LRRC7: variants seen among roughly 807,000 people sequenced by gnomAD.
LRRC7 encodes leucine-rich repeat-containing protein 7.
LRRC7 carries 23 observed loss-of-function variants against 175.7 expected under a neutral mutation model. That is an observed-to-expected ratio of 0.13 (90% CI 0.09 to 0.19). LRRC7 has a LOEUF of 0.19. LRRC7 is among the 10% of genes least tolerant of loss of function. The pLI, the probability that LRRC7 is intolerant of heterozygous loss-of-function variation, is 1.00. For synonymous variants in LRRC7, 685 were observed against 680.9 expected (o/e 1.01, Z -0.09); for missense variants, 1,354 against 1,904.7 (o/e 0.71, Z 5.38).
chr1:69,684,155 AC>A (rs948966415), intron 2 of LRRC7, among the ~76,000 whole-genome samples: 1 of 152,220 alleles, frequency 6.6e-6, no homozygotes, highest in African/African-American at 2.4e-5. Context: ...ATACATACAG[AC>A]AGATATTTTA....
Position 70,038,317 on chromosome 1 carries a change from T to C in LRRC7, c.2493T>C (p.Pro831=), listed in dbSNP as rs1359378135. The change falls in exon 21 of 27, where the codon CCT becomes CCC. Residue 831 remains proline (P), a synonymous_variant. Transcript: ENST00000651989. ...ETTAENANSN[P]LLSSKSRSTS... The stretch of plus-strand genomic sequence containing the variant: ...CAGCCGAGAATGCCAACAGTAATCC[T>C]CTCTTAAGTTCGAAATCTAGAAGCA... 2 of 1,614,052 alleles carry C rather than the reference T, an allele frequency of 1.2e-6. No individual in the cohort carries two copies. Among genetic ancestry groups the C allele is most frequent in the Non-Finnish European group, 8.5e-7 (1 of 1,179,998 alleles).
intron 8 of LRRC7, among the ~76,000 whole-genome samples, chr1:69,972,472 T>C (rs1482970121): frequency 6.6e-6 from 1 of 152,068 alleles, no homozygotes; most frequent in Non-Finnish European, 1.5e-5. Flanking sequence ...GAATAGACAA[T>C]TCTAAAAAGA....
intron 1 of LRRC7, among the ~76,000 whole-genome samples, chr1:69,608,819 T>C (rs1648096770): frequency 1.5e-5 from 1 of 66,348 alleles, no homozygotes; most frequent in African/African-American, 6.5e-5. Context: ...TCTGTCTCTC[T>C]CTCTCTCTCT....
intron 1 of LRRC7, among the ~76,000 whole-genome samples, chr1:69,675,729 G>A (rs889861043): frequency 3.9e-5 from 6 of 152,064 alleles, no homozygotes; most frequent in South Asian, 2.1e-4. Flanking sequence ...AATTTAGTTC[G>A]CATAGCTAAT....
chr1:70,028,097 A>C, intron 17 of LRRC7, 74 bp from the exon 18 acceptor site: 1 of 1,272,006 alleles, frequency 7.9e-7, no homozygotes, highest in Middle Eastern at 2.6e-4. Context: ...ACTACTGAAT[A>C]TAAAATGGGA....
intron 1 of LRRC7, among the ~76,000 whole-genome samples, chr1:69,651,443 T>G (rs772192643): frequency 1.1e-4 from 17 of 152,208 alleles, no homozygotes; most frequent in Admixed American, 2.0e-4. Flanking sequence ...TCTTGCTGTA[T>G]CTACCAAAGT....
chr1:70,065,127 G>A (rs574335745), intron 23 of LRRC7, among the ~76,000 whole-genome samples: 5 of 151,902 alleles, frequency 3.3e-5, no homozygotes, highest in East Asian at 1.9e-4. Context: ...ATATTGACAC[G>A]TCCAGCAAAA....
At chr1:69,728,361 A>G (rs79217768) in intron 2 of LRRC7, among the ~76,000 whole-genome samples, 1,656 of 152,316 alleles carry the variant, frequency 0.011, 35 homozygotes, top group African/African-American at 0.039. Flanking sequence ...AGTCAGTCCC[A>G]TCTGTCAAAT....
chr1:69,729,684 G>A (rs777053541), intron 2 of LRRC7, among the ~76,000 whole-genome samples: 17 of 152,214 alleles, frequency 1.1e-4, no homozygotes, highest in South Asian at 2.1e-4. Context: ...GCTGGCATTC[G>A]GTGCCTGTGG....
chr1:69,973,783 G>A lies in LRRC7; in HGVS notation c.712-6596G>A, dbSNP rs368322215. On this transcript the variant is annotated intron_variant, in intron 8 of 26. Coordinates refer to ENST00000651989, the MANE Select transcript of LRRC7 (RefSeq NM_001370785.2). ...GTATTTTTAGTAGAGATGGGATTTCGCCATGTTGGCCAGGCTGGTCTCAAA... is the reference window on the plus strand; with the variant it reads ...GTATTTTTAGTAGAGATGGGATTTCACCATGTTGGCCAGGCTGGTCTCAAA... Among the ~76,000 whole-genome samples, 7 of 152,134 alleles carry A rather than the reference G, an allele frequency of 4.6e-5. No individual in the cohort carries two copies. The East Asian group carries it at 7.7e-4, about 17-fold the overall frequency.
At chr1:69,819,554 G>GCT (rs147116955) in intron 4 of LRRC7, among the ~76,000 whole-genome samples, 2,408 of 134,390 alleles carry the variant, frequency 0.018, 27 homozygotes, top group Middle Eastern at 0.093. Flanking sequence ...TGAATGGAAT[G>GCT]CTCTCTCTCT....
chr1:70,001,728 A>G (rs1038059372), intron 11 of LRRC7, among the ~76,000 whole-genome samples: 4 of 152,296 alleles, frequency 2.6e-5, no homozygotes, highest in Admixed American at 6.5e-5. Context: ...TTGTAAAATT[A>G]GTTATTTTGT....
At chr1:69,763,119 G>A (rs568566298) in intron 3 of LRRC7, among the ~76,000 whole-genome samples, 1 of 152,094 alleles carries the variant, frequency 6.6e-6, no homozygotes, top group South Asian at 2.1e-4. Context: ...ATGCATCAGA[G>A]TTCATTATAT....
chr1:70,004,145 T>G (rs983429335), intron 11 of LRRC7, among the ~76,000 whole-genome samples: 1 of 152,210 alleles, frequency 6.6e-6, no homozygotes, highest in African/African-American at 2.4e-5. Flanking sequence ...ATTTCAGAGG[T>G]AAAATCTAGA....
chr1:69,588,333 ATATT>A (rs1000743225), intron 1 of LRRC7, among the ~76,000 whole-genome samples: 20 of 152,162 alleles, frequency 1.3e-4, no homozygotes, highest in African/African-American at 4.6e-4. Context: ...TATTCAGTAA[ATATT>A]TATTTGAAGA....
At chr1:69,823,767 A>G (rs1679575772) in intron 4 of LRRC7, among the ~76,000 whole-genome samples, 1 of 152,178 alleles carries the variant, frequency 6.6e-6, no homozygotes, top group African/African-American at 2.4e-5. Context: ...TATAGATAGC[A>G]TTATTACAGC....
chr1:69,716,227 T>C, intron 2 of LRRC7: 1 of 476,968 alleles, frequency 2.1e-6, no homozygotes, highest in Non-Finnish European at 3.8e-6. Context: ...AAGTAGATAC[T>C]ATATTATTTT....
chr1:69,763,291 T>C (rs1671240133), intron 3 of LRRC7, among the ~76,000 whole-genome samples: 1 of 152,028 alleles, frequency 6.6e-6, no homozygotes, highest in South Asian at 2.1e-4. Context: ...ACTTTTCTCA[T>C]GGTAGCAGGA....
chr1:69,813,300 T>C (rs927955988), intron 4 of LRRC7, among the ~76,000 whole-genome samples: 2 of 152,140 alleles, frequency 1.3e-5, no homozygotes, highest in Non-Finnish European at 2.9e-5. Context: ...AATTCAACTC[T>C]CTAAGTAGTG....
Sources: allele counts gnomAD v4.1 joint callset (sites outside exome capture counted in the v4.1 genomes callset), GRCh38; gene constraint gnomAD v4.1.1; transcripts MANE v1.5; gene names NCBI Gene and HGNC (gene_info 2026-07-23, HGNC 2026-07-21).